The following ADGRL2 variants were observed in gnomAD, a reference collection of about 807,000 sequenced individuals.
The protein encoded by ADGRL2 is calcium-independent alpha-latrotoxin receptor 2.
A neutral mutation model predicts 157.4 loss-of-function variants in ADGRL2; 44 were observed. The ratio of observed to expected loss-of-function variants is 0.28; its 90% CI spans 0.22 to 0.36. ADGRL2 has a LOEUF of 0.36. ADGRL2 is among the 10% of genes least tolerant of loss of function. ADGRL2 has a pLI of 1.00. For synonymous variants in ADGRL2, 585 were observed against 624.7 expected, an observed-to-expected ratio of 0.94 and a Z score of 0.95; for missense variants, 1,510 against 1,768.9, an observed-to-expected ratio of 0.85 and a Z score of 2.63.
intron 3 of ADGRL2, among the ~76,000 whole-genome samples, chr1:81,676,233 A>G (rs1458129859): frequency 6.8e-6 from 1 of 147,944 alleles, no homozygotes; most frequent in Non-Finnish European, 1.5e-5. Context: ...CTGGTCTTGA[A>G]CTCCTGACCT....
At chr1:81,822,298 C>G (rs138701357) in intron 1 of ADGRL2, among the ~76,000 whole-genome samples, 522 of 151,838 alleles carry the variant, frequency 3.4e-3, no homozygotes, top group Non-Finnish European at 4.7e-3. Context: ...AATGTTTTCT[C>G]AAGTTCAGAA....
At chr1:81,827,550 T>C (rs2091596736) in intron 1 of ADGRL2, among the ~76,000 whole-genome samples, 2 of 152,226 alleles carry the variant, frequency 1.3e-5, no homozygotes, top group Non-Finnish European at 2.9e-5. Context: ...ATGGCTCTGT[T>C]ATACACACAC....
At chr1:81,960,268 A>G (rs1654909677) in intron 11 of ADGRL2, among the ~76,000 whole-genome samples, 2 of 152,150 alleles carry the variant, frequency 1.3e-5, no homozygotes, top group South Asian at 4.1e-4. Context: ...TCTGCCTGGT[A>G]TGCTGATGGT....
At chr1:81,508,955 A>G (rs553144069) in intron 2 of ADGRL2, among the ~76,000 whole-genome samples, 1 of 152,302 alleles carries the variant, frequency 6.6e-6, no homozygotes, top group Non-Finnish European at 1.5e-5. Flanking sequence ...CAGATCAAAG[A>G]ACTGTTGATC....
intron 16 of ADGRL2, 84 bp from the exon 17 acceptor site, chr1:81,971,768 G>T: frequency 1.4e-6 from 1 of 718,078 alleles, no homozygotes. Flanking sequence ...AGTTTTGTCT[G>T]TTAGGTTTTT....
chr1:81,400,444 G>A (rs2076732405), intron 1 of ADGRL2, among the ~76,000 whole-genome samples: 1 of 152,104 alleles, frequency 6.6e-6, no homozygotes, highest in Non-Finnish European at 1.5e-5. Context: ...AAGCTGGATT[G>A]TAACTGTGAT....
chr1:81,376,041 C>A (rs1254016213), intron 1 of ADGRL2, among the ~76,000 whole-genome samples: 2 of 152,146 alleles, frequency 1.3e-5, no homozygotes, highest in Non-Finnish European at 2.9e-5. Context: ...CCAGCATCTA[C>A]CCTTAGGTGG....
At chr1:81,409,895 CTGCCTTTGGTATATTAA>C (rs1355169767) in intron 1 of ADGRL2, among the ~76,000 whole-genome samples, 1 of 152,132 alleles carries the variant, frequency 6.6e-6, no homozygotes, top group African/African-American at 2.4e-5. Context: ...CTTTTAGCCC[CTGCCTTTGGTATATTAA>C]TGACTACAAG....
chr1:81,942,460 T>A (rs540281882), intron 5 of ADGRL2, among the ~76,000 whole-genome samples: 1 of 151,924 alleles, frequency 6.6e-6, no homozygotes. Flanking sequence ...CAAATACTTA[T>A]GTTCCTCAAA....
At position 81,951,126 on chromosome 1, in the gene ADGRL2, G is replaced by C; in HGVS notation, c.1608+5G>C. ...GTGAATCAGCTGGCTCAGAAGGTTG[G>C]TTGGAACCTTTTAATATGACACATT... is the stretch of plus-strand genomic sequence containing the variant. On this transcript the variant is annotated splice_donor_5th_base_variant and intron_variant, in intron 8 of 23. Coordinates refer to ENST00000686636, the MANE Select transcript of ADGRL2 (RefSeq NM_001366006.2). The C allele has an allele frequency of 6.3e-7, 1 of 1,595,632 alleles. No individual in the cohort carries two copies. Among genetic ancestry groups the C allele is most frequent in the Non-Finnish European group, 8.6e-7 (1 of 1,163,586 alleles).
chr1:81,878,829 A>G (rs284231), intron 2 of ADGRL2, among the ~76,000 whole-genome samples: 140,516 of 152,226 alleles, frequency 0.92, 64,942 homozygotes, highest in African/African-American at 0.97. Flanking sequence ...GAACACACTA[A>G]GAATATTTCT....
At chr1:81,332,239 T>C (rs11163251) in intron 1 of ADGRL2, among the ~76,000 whole-genome samples, 35,475 of 152,050 alleles carry the variant, frequency 0.23, 4,521 homozygotes, top group Middle Eastern at 0.36. Flanking sequence ...GTAATCAAAA[T>C]AAATATATGT....
intron 1 of ADGRL2, among the ~76,000 whole-genome samples, chr1:81,825,162 T>G (rs1002501318): frequency 1.3e-5 from 2 of 152,026 alleles, no homozygotes; most frequent in Admixed American, 1.3e-4. Flanking sequence ...CCTGGACAAC[T>G]TAGAGTCCTG....
intron 1 of ADGRL2, among the ~76,000 whole-genome samples, chr1:81,333,284 A>G (rs1034156247): frequency 6.6e-6 from 1 of 152,162 alleles, no homozygotes; most frequent in Non-Finnish European, 1.5e-5. Context: ...ACTGAAAAAA[A>G]TGTAGAATTA....
chr1:81,619,500 A>C (rs181253664), intron 3 of ADGRL2, among the ~76,000 whole-genome samples: 1 of 152,314 alleles, frequency 6.6e-6, no homozygotes, highest in African/African-American at 2.4e-5. Flanking sequence ...AAAATTCCAC[A>C]AATCAGATGC....
At chr1:81,731,195 T>C (rs2084712031) in intron 1 of ADGRL2, among the ~76,000 whole-genome samples, 1 of 152,198 alleles carries the variant, frequency 6.6e-6, no homozygotes, top group Non-Finnish European at 1.5e-5. Context: ...GTGTATTATG[T>C]TTAATACATT....
Position 81,966,546 on chromosome 1 carries a change from C to A in ADGRL2, c.2286C>A (p.Ile762=), listed in dbSNP as rs772390022. The A allele has an allele frequency of 6.2e-7, 1 of 1,613,942 alleles. No homozygotes were observed. Among genetic ancestry groups the A allele is most frequent in the African/African-American group, 1.3e-5 (1 of 74,902 alleles). ...AVNSHVISVS[I]NKESSRVYLT... The stretch of plus-strand genomic sequence containing the variant: ...ACTCTCACGTCATTTCAGTTTCAAT[C>A]AATAAAGAGTCCAGCCGAGTATACC... The change falls in exon 13 of 24, where the codon ATC becomes ATA. Residue 762 remains isoleucine (I), a synonymous_variant. Transcript: ENST00000686636.
intron 1 of ADGRL2, among the ~76,000 whole-genome samples, chr1:81,330,438 G>C (rs956632245): frequency 6.6e-6 from 1 of 151,976 alleles, no homozygotes; most frequent in Non-Finnish European, 1.5e-5. Flanking sequence ...TCTACTGCTG[G>C]GGAACATACA....
intron 1 of ADGRL2, among the ~76,000 whole-genome samples, chr1:81,379,651 G>A (rs2076310275): frequency 1.3e-5 from 2 of 152,116 alleles, no homozygotes; most frequent in African/African-American, 4.8e-5. Flanking sequence ...CCGGGCGATG[G>A]CCTGCCTGCA....
Sources: gnomAD v4.1 joint callset for allele counts (sites outside exome capture counted in the v4.1 genomes callset) on GRCh38, gnomAD v4.1.1 for gene constraint, MANE v1.5 for transcripts, NCBI Gene and HGNC (gene_info 2026-07-23, HGNC 2026-07-21) for gene names.